TIMD4: variants seen among roughly 807,000 people sequenced by gnomAD.
TIMD4 encodes T-cell immunoglobulin and mucin domain-containing protein 4.
Under a neutral mutation model 41.2 loss-of-function variants are expected in TIMD4, and 31 were observed. That is an observed-to-expected ratio of 0.75 (90% CI 0.57 to 1.01). TIMD4 has a LOEUF of 1.01. Ranked by LOEUF, TIMD4 falls within the 50% of genes least tolerant of loss-of-function variation. The pLI is 0.00. For synonymous variants in TIMD4, 204 were observed against 177.1 expected, an observed-to-expected ratio of 1.15 and a Z score of -1.21; for missense variants, 479 against 472.5, an observed-to-expected ratio of 1.01 and a Z score of -0.13.
chr5:156,936,867 G>A (rs1279136024), intron 5 of TIMD4, among the ~76,000 whole-genome samples: 1 of 151,520 alleles, frequency 6.6e-6, no homozygotes. Flanking sequence ...GGGAGGCAGA[G>A]GTTGCAGTGA....
chr5:156,935,558 G>A (rs1012005095), intron 5 of TIMD4: 3 of 152,208 alleles, frequency 2.0e-5, no homozygotes, highest in African/African-American at 7.2e-5. Context: ...TTTTGAAAGA[G>A]AACAGAGAGC....
chr5:156,954,452 G>A lies in TIMD4; in HGVS notation c.363C>T (p.Asn121=), dbSNP rs766204987. ...TCAGGCGCACGTTTATCTTTACATC[G>A]TTGAACCAGCCAGGCACTTCTATGC... ...CCRIEVPGWF[N]DVKINVRLNL... The change falls in exon 2 of 9, where the codon AAC becomes AAT. Residue 121 remains asparagine (N), a synonymous_variant. Coordinates refer to ENST00000274532, the MANE Select transcript of TIMD4 (RefSeq NM_138379.3). 5 of 1,614,124 alleles carry A rather than the reference G, an allele frequency of 3.1e-6. No individual in the cohort carries two copies. Among genetic ancestry groups the A allele is most frequent in the East Asian group, 2.2e-5 (1 of 44,882 alleles).
At chr5:156,960,261 G>T (rs960477288) in intron 1 of TIMD4, among the ~76,000 whole-genome samples, 2 of 151,842 alleles carry the variant, frequency 1.3e-5, no homozygotes, top group East Asian at 3.9e-4. Context: ...AAGTTTCCAG[G>T]ATAAGACAAA....
chr5:156,921,750 C>CA (rs1759245982), intron 7 of TIMD4, among the ~76,000 whole-genome samples: 1 of 149,388 alleles, frequency 6.7e-6, no homozygotes, highest in African/African-American at 2.5e-5. Flanking sequence ...AGAAAGTGAA[C>CA]AAAGTAGGAA....
At chr5:156,932,598 A>T (rs546887854) in intron 5 of TIMD4, among the ~76,000 whole-genome samples, 2 of 152,354 alleles carry the variant, frequency 1.3e-5, no homozygotes, top group East Asian at 1.9e-4. Context: ...AATGTTCTAT[A>T]GTTAGGTAAG....
intron 5 of TIMD4, among the ~76,000 whole-genome samples, chr5:156,936,658 T>A (rs1483376919): frequency 6.6e-6 from 1 of 151,914 alleles, no homozygotes; most frequent in Non-Finnish European, 1.5e-5. Context: ...GGCTCACGCC[T>A]GTAATCCCAG....
intron 7 of TIMD4, among the ~76,000 whole-genome samples, chr5:156,920,724 TG>T (rs1458677347): frequency 6.6e-6 from 1 of 152,220 alleles, no homozygotes; most frequent in African/African-American, 2.4e-5. Context: ...TCCAACATTC[TG>T]GGCAATGGTG....
intron 5 of TIMD4, among the ~76,000 whole-genome samples, chr5:156,946,901 G>C (rs1759754295): frequency 6.6e-6 from 1 of 151,324 alleles, no homozygotes; most frequent in Non-Finnish European, 1.5e-5. Flanking sequence ...ATCAGGATAA[G>C]AAAAGAACAA....
chr5:156,951,578 G>A lies in TIMD4; in HGVS notation c.613C>T (p.Leu205Phe), dbSNP rs781089950. 1.9e-6 allele frequency: 3 copies of A among 1,614,006 alleles called. No individual in the cohort carries two copies. The highest frequency in any genetic ancestry group is 2.5e-6 in the Non-Finnish European group (3 of 1,180,036). Residue 205 changes from leucine (L) to phenylalanine (F), a missense_variant, in exon 3 of 9, where the codon CTT becomes TTT. Transcript: ENST00000274532. ...AGAAGACCTGTGGCTTCCTCCGGAA[G>A]GGTGCTTGGGGTTAGTGAAAGGCAC... ...NTCLSLTPST[L>F]PEEATGLLTP...
chr5:156,959,066 A>T (rs1760033662), intron 1 of TIMD4, among the ~76,000 whole-genome samples: 1 of 152,242 alleles, frequency 6.6e-6, no homozygotes, highest in South Asian at 2.1e-4. Context: ...TCATTGTGTC[A>T]GTTACCCCCA....
intron 6 of TIMD4, among the ~76,000 whole-genome samples, chr5:156,922,734 T>C (rs1759267015): frequency 6.6e-6 from 1 of 152,136 alleles, no homozygotes; most frequent in South Asian, 2.1e-4. Context: ...CCAGAGGCTA[T>C]GTGATGTGTG....
intron 5 of TIMD4, among the ~76,000 whole-genome samples, chr5:156,937,276 T>C (rs1175264589): frequency 6.6e-6 from 1 of 152,186 alleles, no homozygotes; most frequent in Non-Finnish European, 1.5e-5. Context: ...TCCTCTCTAA[T>C]ATACTGCTGA....
In TIMD4 at chr5:156,920,316, C is replaced by T. The variant is rs1380546102; in HGVS notation, c.1052+148G>A. The T allele has an allele frequency of 4.5e-6, 4 of 890,620 alleles. No homozygotes were observed. In the East Asian group the frequency reaches 1.0e-4, roughly 23 times the overall value. 55.2% of individuals were successfully genotyped at this position (890,620 alleles called of 1,614,324 possible). A position where few individuals can be genotyped will look rare whatever the true frequency, so the allele number is the denominator to read the frequency against. On this transcript the variant is annotated intron_variant, in intron 8 of 8. Coordinates refer to ENST00000274532, the MANE Select transcript of TIMD4 (RefSeq NM_138379.3). ...CACAGGTTAATGTGAGCTAAATCTG[C>T]ACAACTTTTTCACTTCTAATGTCAC...
intron 1 of TIMD4, among the ~76,000 whole-genome samples, chr5:156,960,233 C>G (rs747655172): frequency 1.3e-5 from 2 of 151,966 alleles, no homozygotes; most frequent in Non-Finnish European, 2.9e-5. Context: ...TTCAACCTAA[C>G]AAAACCTTCC....
chr5:156,945,630 G>T (rs1035778659), intron 5 of TIMD4, among the ~76,000 whole-genome samples: 2 of 152,142 alleles, frequency 1.3e-5, no homozygotes, highest in Admixed American at 6.5e-5. Flanking sequence ...GGGAGTGAAA[G>T]AATTTTATTT....
At chr5:156,962,174 G>T (rs1753076450) in intron 1 of TIMD4, among the ~76,000 whole-genome samples, 3 of 151,996 alleles carry the variant, frequency 2.0e-5, no homozygotes, top group Admixed American at 2.0e-4. Flanking sequence ...TTAAATAGAA[G>T]GAATAAGTCC....
intron 5 of TIMD4, among the ~76,000 whole-genome samples, chr5:156,940,806 C>A (rs1430903976): frequency 6.6e-6 from 1 of 152,270 alleles, no homozygotes; most frequent in Non-Finnish European, 1.5e-5. Context: ...GCCGCCCCGT[C>A]TGGGAGGTGT....
intron 6 of TIMD4, chr5:156,924,275 C>A: frequency 5.4e-6 from 2 of 373,646 alleles, no homozygotes; most frequent in African/African-American, 2.1e-5. Flanking sequence ...TCTAAACATG[C>A]AGATGAGTCA....
At chr5:156,936,091 T>C (rs938246227) in intron 5 of TIMD4, among the ~76,000 whole-genome samples, 4 of 151,856 alleles carry the variant, frequency 2.6e-5, no homozygotes, top group Non-Finnish European at 4.4e-5. Flanking sequence ...AAAAAAAAAT[T>C]AGCTGGGCAT....
Sources: allele counts gnomAD v4.1 joint callset (sites outside exome capture counted in the v4.1 genomes callset), GRCh38; gene constraint gnomAD v4.1.1; transcripts MANE v1.5; gene names NCBI Gene and HGNC (gene_info 2026-07-23, HGNC 2026-07-21).